Variants in WNT7A observed in about 807,000 individuals in gnomAD.
The protein encoded by WNT7A is Wnt family member 7A.
WNT7A carries 16 observed loss-of-function variants against 28.2 expected under a neutral mutation model. The observed-to-expected ratio is 0.57, with a 90% CI of 0.38 to 0.86. The LOEUF is 0.86. Ranked by LOEUF, WNT7A falls within the 40% of genes least tolerant of loss-of-function variation. The probability of loss-of-function intolerance (pLI) is 0.00; values close to 1 mark genes in which losing one functional copy is unlikely to be tolerated. For missense variants in WNT7A, 411 were observed against 489.7 expected (o/e 0.84, Z 1.52); for synonymous variants, 190 against 195.9 (o/e 0.97, Z 0.25).
At chr3:13,857,168 C>A (rs1694760139) in intron 2 of WNT7A, among the ~76,000 whole-genome samples, 1 of 152,166 alleles carries the variant, frequency 6.6e-6, no homozygotes, top group Non-Finnish European at 1.5e-5. Flanking sequence ...TGTGTAAGAT[C>A]TGCATGCTGG....
chr3:13,876,431 G>A (rs1695112417), intron 1 of WNT7A, among the ~76,000 whole-genome samples: 1 of 152,202 alleles, frequency 6.6e-6, no homozygotes, highest in Admixed American at 6.5e-5. Flanking sequence ...ACTCCATGTA[G>A]GAAAGACCTG....
chr3:13,818,809 C>T lies in WNT7A; in HGVS notation c.*135G>A. ...ATTTTTTTTCCCCCACGGATGCCTGCAGGAAACCCAGGAAAAGTACCCTCC... is the reference window on the plus strand; with the variant it reads ...ATTTTTTTTCCCCCACGGATGCCTGTAGGAAACCCAGGAAAAGTACCCTCC... On this transcript the variant is annotated 3_prime_UTR_variant, in exon 4 of 4. Transcript: ENST00000285018. 7.4e-7 allele frequency: 1 copy of T among 1,350,550 alleles called. No homozygotes were observed. Among genetic ancestry groups the T allele is most frequent in the South Asian group, 1.6e-5 (1 of 63,232 alleles). 83.7% of individuals were successfully genotyped at this position (1,350,550 alleles called of 1,614,324 possible). A position where few individuals can be genotyped will look rare whatever the true frequency, so the allele number is the denominator to read the frequency against.
chr3:13,840,764 C>T (rs1263566628), intron 3 of WNT7A, among the ~76,000 whole-genome samples: 27 of 152,094 alleles, frequency 1.8e-4, no homozygotes, highest in Admixed American at 1.6e-3. Context: ...TACTATCTAT[C>T]TAGCAAATAT....
At chr3:13,874,665 G>T (rs895283788) in intron 2 of WNT7A, among the ~76,000 whole-genome samples, 1 of 152,162 alleles carries the variant, frequency 6.6e-6, no homozygotes, top group Non-Finnish European at 1.5e-5. Context: ...TAAAATTTGG[G>T]CTTCAATTCA....
intron 3 of WNT7A, among the ~76,000 whole-genome samples, chr3:13,831,751 A>C (rs1287284359): frequency 6.6e-6 from 1 of 152,046 alleles, no homozygotes; most frequent in East Asian, 1.9e-4. Context: ...CCCTGCCTCC[A>C]TGGGGCTAAC....
chr3:13,832,145 G>C (rs533918060), intron 3 of WNT7A, among the ~76,000 whole-genome samples: 6 of 133,438 alleles, frequency 4.5e-5, no homozygotes, highest in Admixed American at 7.6e-5. Flanking sequence ...TCCTCCTCAG[G>C]CTCCTCCTGC....
rs77443292 is a variant in WNT7A, at chr3:13,835,224, A to G, written c.571-15801T>C. On this transcript the variant is annotated intron_variant, in intron 3 of 3. Transcript: ENST00000285018. ...GTTCTCGCTGGGGTCAGAGGAGCAC[A>G]TGTGGAATGGCATTGGAGAAGCTCT... Among the ~76,000 whole-genome samples the G allele has an allele frequency of 6.8e-3, 1,032 of 152,296 alleles. 15 individuals carry two copies. The highest frequency in any genetic ancestry group is 0.023 in the African/African-American group (949 of 41,558).
At chr3:13,838,581 G>A (rs1037176871) in intron 3 of WNT7A, among the ~76,000 whole-genome samples, 5 of 152,204 alleles carry the variant, frequency 3.3e-5, no homozygotes, top group African/African-American at 1.2e-4. Flanking sequence ...GGCTGGCTCA[G>A]GCAGAGAACG....
chr3:13,870,832 A>G (rs1695016458), intron 2 of WNT7A, among the ~76,000 whole-genome samples: 1 of 152,186 alleles, frequency 6.6e-6, no homozygotes, highest in Non-Finnish European at 1.5e-5. Flanking sequence ...GTCCATTTCG[A>G]AAGTCAGCAC....
chr3:13,824,629 C>G (rs910832393), intron 3 of WNT7A, among the ~76,000 whole-genome samples: 1 of 152,172 alleles, frequency 6.6e-6, no homozygotes, highest in Admixed American at 6.5e-5. Context: ...CGAGCCCCAC[C>G]CTCCTGGCCC....
rs547055901 is a variant in WNT7A, at chr3:13,842,500, G to A, written c.570+12032C>T. On this transcript the variant is annotated intron_variant, in intron 3 of 3. Transcript: ENST00000285018. ...GAATAGGACTCTGGGGCAGGGGACT[G>A]TTGTGTCACTGTAGGGAAGAGAGGC... 2.0e-5 allele frequency among the ~76,000 whole-genome samples: 3 copies of A among 152,308 alleles called. No homozygotes were observed. The South Asian group carries it at 6.2e-4, about 32-fold the overall frequency.
intron 1 of WNT7A, among the ~76,000 whole-genome samples, chr3:13,875,541 G>A (rs1695098256): frequency 6.6e-6 from 1 of 152,150 alleles, no homozygotes; most frequent in African/African-American, 2.4e-5. Context: ...GCTCTATATT[G>A]CTAGGGAATC....
intron 2 of WNT7A, among the ~76,000 whole-genome samples, chr3:13,862,796 A>T (rs73814727): frequency 2.0e-5 from 3 of 152,346 alleles, no homozygotes; most frequent in African/African-American, 7.2e-5. Flanking sequence ...AGGCCAGAGC[A>T]CACTGCTGAC....
chr3:13,843,763 C>T (rs112984251), intron 3 of WNT7A, among the ~76,000 whole-genome samples: 2 of 149,350 alleles, frequency 1.3e-5, no homozygotes, highest in African/African-American at 2.5e-5. Flanking sequence ...TTTTTTTCCC[C>T]TGAGATGGAG....
chr3:13,817,166 G>A lies in WNT7A; in HGVS notation c.*1778C>T, dbSNP rs940878332. On this transcript the variant is annotated 3_prime_UTR_variant, in exon 4 of 4. Coordinates refer to ENST00000285018, the MANE Select transcript of WNT7A (RefSeq NM_004625.4). ...ACAGAGTTCAGAGGTGCCTTCTCTT[G>A]GCGGTTCAACACAATCACACACAAT... 2.0e-5 allele frequency: 3 copies of A among 152,172 alleles called. No homozygotes were observed. The highest frequency in any genetic ancestry group is 7.2e-5 in the African/African-American group (3 of 41,400). 9.4% of individuals were successfully genotyped at this position (152,172 alleles called of 1,614,324 possible).
chr3:13,873,356 T>G (rs554512201), intron 2 of WNT7A, among the ~76,000 whole-genome samples: 9 of 152,014 alleles, frequency 5.9e-5, no homozygotes, highest in African/African-American at 2.2e-4. Flanking sequence ...AGGTGTCATT[T>G]GGGTCACTGG....
intron 3 of WNT7A, among the ~76,000 whole-genome samples, chr3:13,853,285 G>T (rs1283039565): frequency 6.6e-6 from 1 of 152,240 alleles, no homozygotes; most frequent in Non-Finnish European, 1.5e-5. Flanking sequence ...CGGAGAAAAG[G>T]CTAGGAAGGA....
chr3:13,833,635 C>T (rs574140944), intron 3 of WNT7A, among the ~76,000 whole-genome samples: 85 of 152,330 alleles, frequency 5.6e-4, no homozygotes, highest in African/African-American at 1.8e-3. Context: ...AGGTTGACTA[C>T]GGGGCAGGGG....
At chr3:13,835,002 C>G (rs1694342870) in intron 3 of WNT7A, among the ~76,000 whole-genome samples, 2 of 152,146 alleles carry the variant, frequency 1.3e-5, no homozygotes, top group African/African-American at 4.8e-5. Flanking sequence ...CTGGAGTGAT[C>G]AGGTAAGGAA....
Sources: allele counts gnomAD v4.1 joint callset (sites outside exome capture counted in the v4.1 genomes callset), GRCh38; gene constraint gnomAD v4.1.1; transcripts MANE v1.5; gene names NCBI Gene and HGNC (gene_info 2026-07-23, HGNC 2026-07-21).